The following IQCM variants were observed in gnomAD, a reference collection of about 807,000 sequenced individuals.
IQCM encodes the protein IQ motif containing M.
IQCM carries 45 observed loss-of-function variants against 57.6 expected under a neutral mutation model. That is an observed-to-expected ratio of 0.78 (90% CI 0.62 to 1.00). The LOEUF (loss-of-function observed/expected upper bound fraction) is 1.00. Ranked by LOEUF, IQCM falls within the 50% of genes least tolerant of loss-of-function variation. The pLI is 0.00. For synonymous variants in IQCM, 148 were observed against 158.9 expected (o/e 0.93, Z 0.51); for missense variants, 468 against 511.6 (o/e 0.91, Z 0.82).
intron 2 of IQCM, among the ~76,000 whole-genome samples, chr4:149,813,754 A>G (rs1253855688): frequency 1.3e-5 from 2 of 152,102 alleles, no homozygotes; most frequent in Non-Finnish European, 2.9e-5. Context: ...CAGATAAGGA[A>G]TACCTTTAAA....
intron 2 of IQCM, among the ~76,000 whole-genome samples, chr4:149,795,405 A>G (rs901341663): frequency 6.6e-6 from 1 of 152,198 alleles, no homozygotes; most frequent in African/African-American, 2.4e-5. Flanking sequence ...AACCAGCCCT[A>G]GCCAGAGGGG....
intron 13 of IQCM, among the ~76,000 whole-genome samples, chr4:149,373,536 AG>A (rs1419608126): frequency 6.6e-6 from 1 of 152,172 alleles, no homozygotes; most frequent in Non-Finnish European, 1.5e-5. Context: ...ATGGCTGTTC[AG>A]GATTTGAATC....
At position 149,635,488 on chromosome 4, in the gene IQCM, T is replaced by C. The variant is rs531319160; in HGVS notation, c.566-14244A>G. Among the ~76,000 whole-genome samples the C allele has an allele frequency of 1.3e-4, 20 of 152,342 alleles. 1 individual carries two copies. In the South Asian group the frequency reaches 4.1e-3, roughly 32 times the overall value. On this transcript the variant is annotated intron_variant, in intron 7 of 13. Coordinates refer to ENST00000636793, the MANE Select transcript of IQCM (RefSeq NM_001363507.2). ...TTGTCAATTATTTCTATGTATAAAATATGCCCTCTCCTGCCTACTACAAAA... is the reference window on the plus strand; with the variant it reads ...TTGTCAATTATTTCTATGTATAAAACATGCCCTCTCCTGCCTACTACAAAA...
At chr4:149,572,521 T>C (rs1253544801) in intron 9 of IQCM, among the ~76,000 whole-genome samples, 2 of 151,914 alleles carry the variant, frequency 1.3e-5, no homozygotes, top group Admixed American at 1.3e-4. Context: ...TTTCAAATTT[T>C]ATATCTCTAT....
At chr4:149,638,501 T>C (rs1232824223) in intron 7 of IQCM, among the ~76,000 whole-genome samples, 2 of 151,510 alleles carry the variant, frequency 1.3e-5, no homozygotes. Flanking sequence ...ATAAGATAGA[T>C]GTTCAACAAT....
chr4:149,609,130 TG>T (rs1561054887), intron 8 of IQCM, among the ~76,000 whole-genome samples: 1 of 151,802 alleles, frequency 6.6e-6, no homozygotes, highest in East Asian at 1.9e-4. Flanking sequence ...GCTAATTAAT[TG>T]GAAAGCCTAT....
At chr4:149,449,648 C>A (rs190341329) in intron 12 of IQCM, among the ~76,000 whole-genome samples, 30 of 150,844 alleles carry the variant, frequency 2.0e-4, no homozygotes, top group African/African-American at 7.0e-4. Flanking sequence ...TAGGAATTAA[C>A]CAAAGAAGCA....
At chr4:149,724,168 T>C (rs1194728781) in intron 5 of IQCM, among the ~76,000 whole-genome samples, 1 of 151,960 alleles carries the variant, frequency 6.6e-6, no homozygotes, top group Non-Finnish European at 1.5e-5. Context: ...AATTTTGGAA[T>C]CTGCAGAGTT....
intron 7 of IQCM, among the ~76,000 whole-genome samples, chr4:149,651,586 T>A (rs954416754): frequency 3.3e-5 from 5 of 151,896 alleles, no homozygotes; most frequent in Admixed American, 6.6e-5. Context: ...GAAAAAAAAA[T>A]TTTAAATGAA....
intron 13 of IQCM, among the ~76,000 whole-genome samples, chr4:149,390,920 T>C (rs1232815377): frequency 6.6e-6 from 1 of 151,860 alleles, no homozygotes; most frequent in Non-Finnish European, 1.5e-5. Flanking sequence ...TTGGTAATAC[T>C]GGCCTCACAG....
intron 12 of IQCM, among the ~76,000 whole-genome samples, chr4:149,519,342 C>A (rs750675435): frequency 1.3e-5 from 2 of 152,184 alleles, no homozygotes; most frequent in Non-Finnish European, 2.9e-5. Context: ...GCTTTCTTGG[C>A]CGGGCGCGGT....
chr4:149,751,491 T>C (rs1398487683), intron 2 of IQCM, among the ~76,000 whole-genome samples: 1 of 152,154 alleles, frequency 6.6e-6, no homozygotes, highest in African/African-American at 2.4e-5. Context: ...TTCCCGGCTT[T>C]AAAACTTAAG....
chr4:149,719,718 CT>C (rs1364926062), intron 5 of IQCM, among the ~76,000 whole-genome samples: 1 of 152,206 alleles, frequency 6.6e-6, no homozygotes, highest in Non-Finnish European at 1.5e-5. Flanking sequence ...TCACATCATC[CT>C]TGTTGGATTA....
chr4:149,707,414 T>C lies in IQCM; in HGVS notation c.386-20946A>G, dbSNP rs1006008677. 2.0e-5 allele frequency among the ~76,000 whole-genome samples: 3 copies of C among 152,050 alleles called. No homozygotes were observed. In the East Asian group the frequency reaches 5.8e-4, roughly 29 times the overall value. ...TGAGTTCCTTAGTGTTGGAAGAGGCTATCCACCATGGACCCGGAGCATCCC... is the reference window on the plus strand; with the variant it reads ...TGAGTTCCTTAGTGTTGGAAGAGGCCATCCACCATGGACCCGGAGCATCCC... On this transcript the variant is annotated intron_variant, in intron 5 of 13. Transcript: ENST00000636793.
chr4:149,576,172 G>A (rs1245434944), intron 9 of IQCM, among the ~76,000 whole-genome samples: 1 of 151,536 alleles, frequency 6.6e-6, no homozygotes, highest in South Asian at 2.1e-4. Flanking sequence ...CAGGTTTAGG[G>A]TGTACCCGTG....
intron 2 of IQCM, among the ~76,000 whole-genome samples, chr4:149,792,305 C>A (rs1561280546): frequency 6.6e-6 from 1 of 151,928 alleles, no homozygotes; most frequent in Admixed American, 6.6e-5. Flanking sequence ...ACTACTTTTG[C>A]TAGTGTAAGA....
At position 149,368,996 on chromosome 4, in the gene IQCM, A is replaced by ATG. The variant is rs1730150670; in HGVS notation, c.1391-16931_1391-16930insCA. ...TATGTGTATATATATACACGTGTAT[A>ATG]TATATATATATACACGTGTATATAT... On this transcript the variant is annotated intron_variant, in intron 13 of 13. Transcript: ENST00000636793. Among the ~76,000 whole-genome samples the ATG allele has an allele frequency of 2.6e-5, 2 of 77,252 alleles. 1 individual carries two copies. The highest frequency in any genetic ancestry group is 5.2e-5 in the Non-Finnish European group (2 of 38,418). The allele number at this position is 77,252 out of a possible 152,430, so 50.7% of individuals were successfully genotyped here. A position where few individuals can be genotyped will look rare whatever the true frequency, so the allele number is the denominator to read the frequency against.
chr4:149,605,299 A>G (rs1035710468), intron 8 of IQCM, among the ~76,000 whole-genome samples: 10 of 152,216 alleles, frequency 6.6e-5, no homozygotes, highest in African/African-American at 2.2e-4. Context: ...AATTCATTCA[A>G]AAATACACAT....
intron 5 of IQCM, among the ~76,000 whole-genome samples, chr4:149,692,159 C>T (rs7659523): frequency 0.21 from 31,867 of 152,074 alleles, 4,167 homozygotes; most frequent in Non-Finnish European, 0.28. Flanking sequence ...GTCCACTCTT[C>T]CCCTGCCACA....
Sources: allele counts gnomAD v4.1 joint callset (sites outside exome capture counted in the v4.1 genomes callset), GRCh38; gene constraint gnomAD v4.1.1; transcripts MANE v1.5; gene names NCBI Gene and HGNC (gene_info 2026-07-23, HGNC 2026-07-21).